KPNA7: variants seen among roughly 807,000 people sequenced by gnomAD.
KPNA7 encodes the protein karyopherin subunit alpha 7, also known as importin subunit alpha-8.
Under a neutral mutation model 53.7 loss-of-function variants are expected in KPNA7, and 54 were observed. The observed-to-expected ratio is 1.01, with a 90% CI of 0.81 to 1.26. The LOEUF (loss-of-function observed/expected upper bound fraction) is 1.26. KPNA7 is among the 50% of genes most tolerant of loss of function. The pLI is 0.00. For missense variants in KPNA7, 640 were observed against 644.5 expected, an observed-to-expected ratio of 0.99 and a Z score of 0.07; for synonymous variants, 276 against 259.3, an observed-to-expected ratio of 1.06 and a Z score of -0.62.
the KPNA7 span, among the ~76,000 whole-genome samples, chr7:99,159,959 TG>T: frequency 6.6e-6 from 1 of 151,484 alleles, no homozygotes; most frequent in East Asian, 1.9e-4. Context: ...TCTCATGGTC[TG>T]GAGTCTGCTG....
chr7:99,146,870 C>T, the KPNA7 span, among the ~76,000 whole-genome samples: 2 of 152,042 alleles, frequency 1.3e-5, no homozygotes, highest in East Asian at 3.9e-4. Flanking sequence ...TAACACAAAG[C>T]CTATTTTACG....
intron 3 of KPNA7, among the ~76,000 whole-genome samples, chr7:99,202,682 A>T (rs1764690867): frequency 6.6e-6 from 1 of 151,830 alleles, no homozygotes; most frequent in African/African-American, 2.4e-5. Flanking sequence ...CTGTCTCTAT[A>T]AAAAAATAAA....
Position 99,214,187 on chromosome 7 carries a change from T to C in KPNA7, c.-23-6698A>G, listed in dbSNP as rs937689410. ...GCTCACACCTGTAATCCCAGCACCT[T>C]GGGAGGCCAAGGTGGGCAGATCCTC... On this transcript the variant is annotated intron_variant, in intron 1 of 10. Transcript: ENST00000681060. Among the ~76,000 whole-genome samples, 3 of 150,808 alleles carry C rather than the reference T, an allele frequency of 2.0e-5. No individual in the cohort carries two copies. The East Asian group carries it at 5.9e-4, about 30-fold the overall frequency.
chr7:99,195,043 C>A, intron 5 of KPNA7, 27 bp downstream of exon 5: 1 of 1,547,664 alleles, frequency 6.5e-7, no homozygotes, highest in Non-Finnish European at 8.7e-7. Flanking sequence ...GCCCCGTTTT[C>A]TTAGCCCACT....
At chr7:99,209,682 C>CAAAAAAAAAAAAAAAAA (rs60377276), upstream of KPNA7, among the ~76,000 whole-genome samples, 2 of 73,532 alleles carry the variant, frequency 2.7e-5, no homozygotes, top group African/African-American at 5.2e-5. Flanking sequence ...GACTCCAACT[C>CAAAAAAAAAAAAAAAAA]AAAAAAAAAA....
the KPNA7 span, among the ~76,000 whole-genome samples, chr7:99,149,939 C>T: frequency 2.6e-5 from 4 of 152,210 alleles, no homozygotes; most frequent in African/African-American, 7.2e-5. Flanking sequence ...AGACAGACTG[C>T]AGGCACGTGC....
the KPNA7 span, among the ~76,000 whole-genome samples, chr7:99,161,427 C>T: frequency 6.6e-6 from 1 of 152,182 alleles, no homozygotes; most frequent in Non-Finnish European, 1.5e-5. Context: ...AGTAGGTCCT[C>T]TCCCAGTTGA....
At chr7:99,207,979 A>C (rs1406184624) in intron 1 of KPNA7, among the ~76,000 whole-genome samples, 49 bp downstream of exon 1, 1 of 151,590 alleles carries the variant, frequency 6.6e-6, no homozygotes, top group Non-Finnish European at 1.5e-5. Context: ...TGAGAGTTAG[A>C]ACCCATATAC....
chr7:99,184,918 G>A lies in KPNA7; in HGVS notation c.1134+11C>T. On this transcript the variant is annotated intron_variant, in intron 8 of 10. Coordinates refer to ENST00000327442, the MANE Select transcript of KPNA7 (RefSeq NM_001145715.3). ...TAGTCCTTTGCCATGGTTGCTGTGT[G>A]CGCCACTTACGTTTTTTAGCAGAGC... The A allele has an allele frequency of 6.5e-7, 1 of 1,549,216 alleles. No individual in the cohort carries two copies. The highest frequency in any genetic ancestry group is 8.7e-7 in the Non-Finnish European group (1 of 1,144,560).
chr7:99,163,383 A>ATATATATATATATATTTT, the KPNA7 span, among the ~76,000 whole-genome samples: 3 of 40,816 alleles, frequency 7.4e-5, no homozygotes, highest in Admixed American at 4.9e-4. Context: ...ATATATATAT[A>ATATATATATATATATTTT]TTTTTTTTTT....
At chr7:99,169,442 A>T (rs1798731715), downstream of KPNA7, among the ~76,000 whole-genome samples, 1 of 151,632 alleles carries the variant, frequency 6.6e-6, no homozygotes, top group Non-Finnish European at 1.5e-5. Context: ...CAACATGGTG[A>T]AACCCTATCT....
At chr7:99,200,861 G>T (rs13247718) in intron 3 of KPNA7, among the ~76,000 whole-genome samples, 1 of 152,016 alleles carries the variant, frequency 6.6e-6, no homozygotes, top group African/African-American at 2.4e-5. Flanking sequence ...CTAGCTACTC[G>T]GGAGGCTGAG....
At position 99,203,173 on chromosome 7, in the gene KPNA7, A is replaced by G; in HGVS notation, c.134T>C (p.Leu45Ser). 6.4e-7 allele frequency: 1 copy of G among 1,551,584 alleles called. No homozygotes were observed. The highest frequency in any genetic ancestry group is 8.7e-7 in the Non-Finnish European group (1 of 1,146,916). Residue 45 changes from leucine to serine, a missense_variant, in exon 3 of 11, where the codon TTA becomes TCA. Coordinates refer to ENST00000327442, the MANE Select transcript of KPNA7 (RefSeq NM_001145715.3). ...GAAGCTCGTGATATTCCTTCTCTTT[A>G]AGGTCTGTTCATCTTTCTTGGCCTT... ...LRKAKKDEQT[L>S]KRRNITSFCP...
At chr7:99,206,091 G>A (rs1176338394) in intron 2 of KPNA7, among the ~76,000 whole-genome samples, 2 of 152,178 alleles carry the variant, frequency 1.3e-5, no homozygotes, top group Non-Finnish European at 2.9e-5. Context: ...CCTCATTGAC[G>A]TGAGCAGCTG....
chr7:99,191,884 AGGT>A, intron 6 of KPNA7, among the ~76,000 whole-genome samples: 1 of 152,326 alleles, frequency 6.6e-6, no homozygotes, highest in Non-Finnish European at 1.5e-5. Flanking sequence ...TCCTGACCTC[AGGT>A]GATCCACCCG....
At chr7:99,161,268 T>TCCCC in the KPNA7 span, among the ~76,000 whole-genome samples, 6 of 123,002 alleles carry the variant, frequency 4.9e-5, no homozygotes, top group African/African-American at 1.9e-4. Flanking sequence ...TCTCTCTCTC[T>TCCCC]CTGATCACTT....
chr7:99,191,847 G>T (rs183718405), intron 6 of KPNA7, among the ~76,000 whole-genome samples: 6 of 152,136 alleles, frequency 3.9e-5, no homozygotes, highest in Admixed American at 3.9e-4. Flanking sequence ...ATAGGATTTC[G>T]CCATATTAGT....
At chr7:99,210,418 G>A (rs7357124), upstream of KPNA7, among the ~76,000 whole-genome samples, 2 of 151,510 alleles carry the variant, frequency 1.3e-5, no homozygotes, top group South Asian at 4.2e-4. Context: ...CTGTGTCTTA[G>A]GCAGGGATTT....
At chr7:99,204,835 GAC>G (rs1391417020) in intron 2 of KPNA7, among the ~76,000 whole-genome samples, 3 of 152,084 alleles carry the variant, frequency 2.0e-5, no homozygotes, top group African/African-American at 7.2e-5. Flanking sequence ...CAGCCTGGAT[GAC>G]AGAGCAAGAC....
Sources: gnomAD v4.1 joint callset for allele counts (sites outside exome capture counted in the v4.1 genomes callset) on GRCh38, gnomAD v4.1.1 for gene constraint, MANE v1.5 for transcripts, NCBI Gene and HGNC (gene_info 2026-07-23, HGNC 2026-07-21) for gene names.